The following FNDC3A variants were observed in gnomAD, a reference collection of about 807,000 sequenced individuals.
FNDC3A encodes the protein fibronectin type-III domain-containing protein 3A.
FNDC3A carries 32 observed loss-of-function variants against 148.9 expected under a neutral mutation model. The ratio of observed to expected loss-of-function variants is 0.21; its 90% CI spans 0.16 to 0.29. The LOEUF (loss-of-function observed/expected upper bound fraction) is 0.29. FNDC3A is among the 10% of genes least tolerant of loss of function. The pLI is 1.00. For missense variants in FNDC3A, 1,191 were observed against 1,452.8 expected (o/e 0.82, Z 2.93); for synonymous variants, 472 against 473.6 (o/e 1.00, Z 0.04).
chr13:49,008,691 G>A (rs1321407963), intron 2 of FNDC3A, among the ~76,000 whole-genome samples: 1 of 152,112 alleles, frequency 6.6e-6, no homozygotes, highest in African/African-American at 2.4e-5. Flanking sequence ...TCTTTGGCTT[G>A]TGAATCATAA....
intron 4 of FNDC3A, among the ~76,000 whole-genome samples, chr13:49,126,297 CACATA>C (rs1444856863): frequency 1.3e-5 from 2 of 151,682 alleles, no homozygotes; most frequent in Non-Finnish European, 2.9e-5. Flanking sequence ...TGGTAAAACA[CACATA>C]ACATAAAATT....
At chr13:49,166,484 G>C (rs1884468713) in intron 8 of FNDC3A, among the ~76,000 whole-genome samples, 1 of 152,148 alleles carries the variant, frequency 6.6e-6, no homozygotes, top group Admixed American at 6.5e-5. Context: ...ATGATACCTT[G>C]TTCTAGCTGC....
At chr13:49,110,397 G>A in intron 3 of FNDC3A, 1 of 1,601,922 alleles carries the variant, frequency 6.2e-7, no homozygotes, top group South Asian at 1.1e-5. Context: ...CTGTAAAAAC[G>A]AAATGAGTGG....
intron 2 of FNDC3A, among the ~76,000 whole-genome samples, chr13:49,062,313 A>C (rs1416933531): frequency 6.6e-6 from 1 of 152,142 alleles, no homozygotes; most frequent in Non-Finnish European, 1.5e-5. Flanking sequence ...ATAGGTTTAA[A>C]ATTTTTCAAA....
At chr13:49,108,209 A>C (rs987479286) in intron 3 of FNDC3A, among the ~76,000 whole-genome samples, 3 of 152,214 alleles carry the variant, frequency 2.0e-5, no homozygotes, top group Non-Finnish European at 4.4e-5. Context: ...GATTTTGGAC[A>C]TTAAAGTCAT....
chr13:49,044,679 A>T, intron 2 of FNDC3A: 1 of 234,488 alleles, frequency 4.3e-6, no homozygotes, highest in Non-Finnish European at 9.1e-6. Context: ...CAAAAAAAAA[A>T]AAGAAAGAAA....
At chr13:49,016,967 T>G (rs1461600562) in intron 2 of FNDC3A, among the ~76,000 whole-genome samples, 2 of 151,648 alleles carry the variant, frequency 1.3e-5, no homozygotes, top group East Asian at 3.8e-4. Flanking sequence ...GTCTGAGAGA[T>G]AGTTTGTTAT....
chr13:49,061,894 T>G (rs1415713654), intron 2 of FNDC3A, among the ~76,000 whole-genome samples: 1 of 143,876 alleles, frequency 7.0e-6, no homozygotes, highest in Non-Finnish European at 1.5e-5. Flanking sequence ...GGGCTGAGAT[T>G]ACAGGCATGA....
At chr13:49,139,911 A>G (rs765114554) in intron 7 of FNDC3A, among the ~76,000 whole-genome samples, 1 of 152,240 alleles carries the variant, frequency 6.6e-6, no homozygotes, top group South Asian at 2.1e-4. Flanking sequence ...TTTAGGCAGT[A>G]TCCTTCCAAG....
chr13:49,185,409 C>T (rs1323394850), intron 14 of FNDC3A, among the ~76,000 whole-genome samples: 1 of 152,168 alleles, frequency 6.6e-6, no homozygotes. Flanking sequence ...TGGGACTTCA[C>T]TCACTTTCAG....
intron 1 of FNDC3A, among the ~76,000 whole-genome samples, chr13:48,996,667 C>T (rs1435526906): frequency 6.6e-6 from 1 of 152,070 alleles, no homozygotes; most frequent in Admixed American, 6.6e-5. Flanking sequence ...CTGTAGAAAC[C>T]AAGGAACAAC....
intron 2 of FNDC3A, among the ~76,000 whole-genome samples, chr13:49,016,814 T>C (rs1872828439): frequency 6.6e-6 from 1 of 152,054 alleles, no homozygotes; most frequent in Non-Finnish European, 1.5e-5. Flanking sequence ...TTTGTTCTCG[T>C]TGGTTTCAAA....
intron 8 of FNDC3A, among the ~76,000 whole-genome samples, chr13:49,161,966 C>T (rs1215986389): frequency 5.9e-5 from 9 of 152,118 alleles, no homozygotes; most frequent in Non-Finnish European, 8.8e-5. Context: ...GGGTTTCTGC[C>T]GAGAGATCTG....
At chr13:49,102,819 A>G (rs1879947293) in intron 3 of FNDC3A, among the ~76,000 whole-genome samples, 2 of 152,202 alleles carry the variant, frequency 1.3e-5, no homozygotes, top group African/African-American at 4.8e-5. Flanking sequence ...TTATATGATA[A>G]TTTTAGCAAA....
chr13:49,076,340 G>T lies in FNDC3A; in HGVS notation c.175+976G>T, dbSNP rs1342502107. Among the ~76,000 whole-genome samples the T allele has an allele frequency of 5.9e-5, 9 of 152,120 alleles. No individual in the cohort carries two copies. The South Asian group carries it at 1.9e-3, about 32-fold the overall frequency. ...GCTCATTGCAACCTCTGCCTCCCGG[G>T]TTCAAGTGATTCTCCTGCCTCAGCC... On this transcript the variant is annotated intron_variant, in intron 3 of 25. Transcript: ENST00000492622.
At chr13:49,102,654 A>G (rs1879937134) in intron 3 of FNDC3A, among the ~76,000 whole-genome samples, 1 of 152,158 alleles carries the variant, frequency 6.6e-6, no homozygotes, top group Non-Finnish European at 1.5e-5. Context: ...GGATGCTTGT[A>G]TTTTTTGTTC....
chr13:49,114,847 G>A (rs1880828850), intron 4 of FNDC3A, 116 bp downstream of exon 4: 1 of 780,134 alleles, frequency 1.3e-6, no homozygotes, highest in Admixed American at 1.9e-5. Flanking sequence ...ACCAAGTGTT[G>A]TGTATCTATC....
chr13:49,159,155 A>G (rs1883923018), intron 8 of FNDC3A, among the ~76,000 whole-genome samples: 1 of 152,212 alleles, frequency 6.6e-6, no homozygotes, highest in South Asian at 2.1e-4. Context: ...AATTCTGTGA[A>G]GAAAGTCAAT....
intron 3 of FNDC3A, among the ~76,000 whole-genome samples, chr13:49,088,242 C>G (rs1038787562): frequency 1.3e-5 from 2 of 152,000 alleles, no homozygotes; most frequent in Non-Finnish European, 2.9e-5. Flanking sequence ...GTAAATGATC[C>G]CAGTAGATAG....
Sources: gnomAD v4.1 joint callset for allele counts (sites outside exome capture counted in the v4.1 genomes callset) on GRCh38, gnomAD v4.1.1 for gene constraint, MANE v1.5 for transcripts, NCBI Gene and HGNC (gene_info 2026-07-23, HGNC 2026-07-21) for gene names.